GLYATL3: variants seen among roughly 807,000 people sequenced by gnomAD.
GLYATL3 encodes glycine N-acyltransferase-like protein 3.
GLYATL3 carries 31 observed loss-of-function variants against 28.5 expected under a neutral mutation model. The observed-to-expected ratio is 1.09, with a 90% CI of 0.82 to 1.47. The LOEUF is 1.47. Ranked by LOEUF, GLYATL3 falls within the 40% of genes most tolerant of loss-of-function variation. GLYATL3 has a pLI of 0.00. For missense variants in GLYATL3, 369 were observed against 351.5 expected, an observed-to-expected ratio of 1.05 and a Z score of -0.40; for synonymous variants, 141 against 140.2, an observed-to-expected ratio of 1.01 and a Z score of -0.04.
chr6:49,514,368 C>T (rs1246686897), intron 2 of GLYATL3, among the ~76,000 whole-genome samples: 1 of 152,146 alleles, frequency 6.6e-6, no homozygotes, highest in Non-Finnish European at 1.5e-5. Context: ...ATCTACAGTA[C>T]CAATGTGCGA....
chr6:49,515,540 T>C (rs1389847887), intron 2 of GLYATL3, 113 bp from the exon 3 acceptor site: 1 of 620,564 alleles, frequency 1.6e-6, no homozygotes, highest in Non-Finnish European at 2.9e-6. Context: ...TATATATTTA[T>C]AATTTCCCCT....
intron 3 of GLYATL3, among the ~76,000 whole-genome samples, chr6:49,516,802 A>G (rs1018502707): frequency 6.6e-6 from 1 of 151,992 alleles, no homozygotes; most frequent in Non-Finnish European, 1.5e-5. Flanking sequence ...GCTAAAAAAT[A>G]AAAAATAATT....
chr6:49,521,707 A>T lies in GLYATL3; in HGVS notation c.376A>T (p.Lys126Ter), dbSNP rs1027432221. 1.9e-6 allele frequency: 3 copies of T among 1,550,860 alleles called. No homozygotes were observed. The highest frequency in any genetic ancestry group is 2.6e-6 in the Non-Finnish European group (3 of 1,146,346). Residue 126 changes from lysine to a stop codon, truncating the protein, a stop_gained, in exon 5 of 6, where the codon AAG (lysine) becomes TAG (stop). Transcript: ENST00000371197. LOFTEE classifies it high-confidence loss of function. ...TGCCAATTCAAAGCAGTTGAATATA[A>T]AGCTAACTTCCTTCAAGGCTGTTCA... Reference protein sequence around the residue: ...AVANSKQLNIKLTSFKAVHFS... With the variant: ...AVANSKQLNI
chr6:49,505,233 G>T (rs3957334), intron 1 of GLYATL3, among the ~76,000 whole-genome samples: 42,542 of 152,036 alleles, frequency 0.28, 6,249 homozygotes, highest in Non-Finnish European at 0.32. Flanking sequence ...AAAAAGGGTG[G>T]TTTCAGTTTC....
At chr6:49,520,665 T>A (rs1297125857) in intron 4 of GLYATL3, among the ~76,000 whole-genome samples, 1 of 151,830 alleles carries the variant, frequency 6.6e-6, no homozygotes, top group African/African-American at 2.4e-5. Context: ...AAGGATGGAG[T>A]AGATGGGGAT....
At chr6:49,516,169 A>G (rs913890679) in intron 3 of GLYATL3, among the ~76,000 whole-genome samples, 2 of 151,640 alleles carry the variant, frequency 1.3e-5, no homozygotes, top group Non-Finnish European at 2.9e-5. Flanking sequence ...CTGATCTCGA[A>G]CTCCTGACCT....
intron 1 of GLYATL3, among the ~76,000 whole-genome samples, chr6:49,508,027 T>C (rs1769045082): frequency 6.6e-6 from 1 of 152,144 alleles, no homozygotes; most frequent in African/African-American, 2.4e-5. Flanking sequence ...ATCAGTAATT[T>C]CTAACAGAGC....
At chr6:49,504,728 GA>G (rs1768979979) in intron 1 of GLYATL3, among the ~76,000 whole-genome samples, 1 of 152,030 alleles carries the variant, frequency 6.6e-6, no homozygotes, top group South Asian at 2.1e-4. Context: ...TGCCACTGAT[GA>G]AAAAAATTTT....
chr6:49,526,967 C>T lies in GLYATL3; in HGVS notation c.*53C>T. ...TACTTTCCCTGAGCATACACACACT[C>T]TTGGCTGCCAACGAGGGGAGAGTTA... On this transcript the variant is annotated 3_prime_UTR_variant, in exon 6 of 6. Coordinates refer to ENST00000371197, the MANE Select transcript of GLYATL3 (RefSeq NM_001010904.2). 1.5e-6 allele frequency: 2 copies of T among 1,306,332 alleles called. No individual in the cohort carries two copies. Among genetic ancestry groups the T allele is most frequent in the African/African-American group, 1.5e-5 (1 of 67,220 alleles). 80.9% of individuals were successfully genotyped at this position (1,306,332 alleles called of 1,614,324 possible). A position where few individuals can be genotyped will look rare whatever the true frequency, so the allele number is the denominator to read the frequency against.
In GLYATL3 at chr6:49,524,996, A is replaced by T. The variant is rs1323275870; in HGVS notation, c.441-1492A>T. On this transcript the variant is annotated intron_variant, in intron 5 of 5. Coordinates refer to ENST00000371197, the MANE Select transcript of GLYATL3 (RefSeq NM_001010904.2). ...AAAAAAAAAAAAAAAAAAAAAGAACAAACATTTCTAAAGCATGCACATATG... is the reference window on the plus strand; with the variant it reads ...AAAAAAAAAAAAAAAAAAAAAGAACTAACATTTCTAAAGCATGCACATATG... Among the ~76,000 whole-genome samples the T allele has an allele frequency of 4.0e-5, 6 of 150,768 alleles. No individual in the cohort carries two copies. In the East Asian group the frequency reaches 9.7e-4, roughly 24 times the overall value.
intron 2 of GLYATL3, among the ~76,000 whole-genome samples, chr6:49,513,786 A>G (rs141722219): frequency 1.6e-3 from 250 of 152,322 alleles, no homozygotes; most frequent in African/African-American, 5.8e-3. Flanking sequence ...AATTCTAGGC[A>G]TTGAAGAAAA....
In GLYATL3 at chr6:49,515,761, G is replaced by GTACAGTT; in HGVS notation, c.186+3_186+9dup. On this transcript the variant is annotated splice_donor_variant, in intron 3 of 5. Transcript: ENST00000371197. LOFTEE classifies it high-confidence loss of function. The stretch of plus-strand genomic sequence containing the variant: ...TGTTATCACCCGACGACAAAGAGAG[G>GTACAGTT]TACAGTTTTGAAAGGTAAAAAGTTT... The GTACAGTT allele has an allele frequency of 6.6e-7, 1 of 1,515,230 alleles. No homozygotes were observed. Among genetic ancestry groups the GTACAGTT allele is most frequent in the Non-Finnish European group, 9.0e-7 (1 of 1,113,530 alleles). The allele number at this position is 1,515,230 out of a possible 1,614,324, so 93.9% of individuals were successfully genotyped here.
chr6:49,506,302 A>G (rs1198478993), intron 1 of GLYATL3, among the ~76,000 whole-genome samples: 1 of 152,248 alleles, frequency 6.6e-6, no homozygotes, highest in Admixed American at 6.5e-5. Flanking sequence ...GGCAGCAATT[A>G]GTATATCAAC....
chr6:49,525,092 C>CTTT lies in GLYATL3; in HGVS notation c.441-1396_441-1395insTTT, dbSNP rs1561980869. Among the ~76,000 whole-genome samples, 5 of 82,756 alleles carry CTTT rather than the reference C, an allele frequency of 6.0e-5. No homozygotes were observed. In the South Asian group the frequency reaches 2.4e-3, roughly 40 times the overall value. The allele number at this position is 82,756 out of a possible 152,430, so 54.3% of individuals were successfully genotyped here. ...TAACCACAGAAGTTCTATTCTAAAA[C>CTTT]ATTTTTTTTTTTTTTTTATTGAGCA... is the stretch of plus-strand genomic sequence containing the variant. On this transcript the variant is annotated intron_variant, in intron 5 of 5. Coordinates refer to ENST00000371197, the MANE Select transcript of GLYATL3 (RefSeq NM_001010904.2).
At chr6:49,515,317 A>G (rs1769196143) in intron 2 of GLYATL3, among the ~76,000 whole-genome samples, 1 of 152,120 alleles carries the variant, frequency 6.6e-6, no homozygotes, top group African/African-American at 2.4e-5. Context: ...TGTTATCCTG[A>G]TTCATTCAGC....
At chr6:49,513,692 T>C (rs912312460) in intron 2 of GLYATL3, among the ~76,000 whole-genome samples, 1 of 152,180 alleles carries the variant, frequency 6.6e-6, no homozygotes, top group Non-Finnish European at 1.5e-5. Context: ...CACAATAATA[T>C]AAGCCGAACC....
At chr6:49,501,712 T>C (rs1768916606) in intron 1 of GLYATL3, among the ~76,000 whole-genome samples, 1 of 152,164 alleles carries the variant, frequency 6.6e-6, no homozygotes, top group South Asian at 2.1e-4. Flanking sequence ...AGAAACAGGA[T>C]GTGAAGCTAG....
chr6:49,515,885 T>A lies in GLYATL3; in HGVS notation c.186+125T>A, dbSNP rs73429996. ...ACAACACTGTTTCACCATTCATTTC[T>A]TTTCTTTCTTTCTTTCCCTTCTTTC... On this transcript the variant is annotated intron_variant, in intron 3 of 5. Coordinates refer to ENST00000371197, the MANE Select transcript of GLYATL3 (RefSeq NM_001010904.2). 1,314 of 633,010 alleles carry A rather than the reference T, an allele frequency of 2.1e-3. 14 individuals carry two copies. Among genetic ancestry groups the A allele is most frequent in the African/African-American group, 0.021 (1,128 of 54,448 alleles). 39.2% of individuals were successfully genotyped at this position (633,010 alleles called of 1,614,324 possible).
At chr6:49,524,291 T>C (rs1769364753) in intron 5 of GLYATL3, among the ~76,000 whole-genome samples, 1 of 152,236 alleles carries the variant, frequency 6.6e-6, no homozygotes, top group South Asian at 2.1e-4. Flanking sequence ...CCCAGTTCCA[T>C]AGCTGATAAT....
Sources: gnomAD v4.1 joint callset for allele counts (sites outside exome capture counted in the v4.1 genomes callset) on GRCh38, gnomAD v4.1.1 for gene constraint, MANE v1.5 for transcripts, NCBI Gene and HGNC (gene_info 2026-07-23, HGNC 2026-07-21) for gene names.